The following CA10 variants were observed in gnomAD, a reference collection of about 807,000 sequenced individuals.
CA10 encodes the protein carbonic anhydrase 10 (inactive).
A neutral mutation model predicts 44.2 loss-of-function variants in CA10; 14 were observed. The observed-to-expected ratio is 0.32, with a 90% confidence interval of 0.21 to 0.50. CA10 has a LOEUF of 0.50. CA10 is among the 20% of genes least tolerant of loss of function. The probability of loss-of-function intolerance (pLI) is 0.99; values close to 1 mark genes in which losing one functional copy is unlikely to be tolerated. For missense variants in CA10, 350 were observed against 409.7 expected, an observed-to-expected ratio of 0.85 and a Z score of 1.26; for synonymous variants, 159 against 141.6, an observed-to-expected ratio of 1.12 and a Z score of -0.87.
intron 3 of CA10, among the ~76,000 whole-genome samples, chr17:51,815,445 C>T (rs8080873): frequency 0.74 from 112,744 of 151,930 alleles, 42,125 homozygotes; most frequent in East Asian, 0.85. Flanking sequence ...CTCACTGCCA[C>T]ATAGTTCTCC....
chr17:51,814,384 G>T (rs1907487825), intron 3 of CA10, among the ~76,000 whole-genome samples: 1 of 152,054 alleles, frequency 6.6e-6, no homozygotes, highest in African/African-American at 2.4e-5. Context: ...GGCTCCAGAG[G>T]CATTTTATAT....
chr17:51,940,528 G>A (rs913306263), intron 2 of CA10, among the ~76,000 whole-genome samples: 1 of 151,962 alleles, frequency 6.6e-6, no homozygotes. Context: ...ACTTGATAGA[G>A]GACAGTGTCT....
chr17:52,122,926 C>T (rs1989042151), intron 1 of CA10, among the ~76,000 whole-genome samples: 1 of 152,184 alleles, frequency 6.6e-6, no homozygotes, highest in Non-Finnish European at 1.5e-5. Context: ...TTCTCCCCAC[C>T]TGTAACCAGG....
intron 3 of CA10, among the ~76,000 whole-genome samples, chr17:51,818,038 G>A (rs1199381930): frequency 6.6e-6 from 1 of 152,172 alleles, no homozygotes. Context: ...TGTAGTGTAT[G>A]TGTTTGCCAA....
intron 2 of CA10, among the ~76,000 whole-genome samples, chr17:52,051,452 A>G (rs1032087932): frequency 1.3e-5 from 2 of 151,982 alleles, no homozygotes; most frequent in Admixed American, 1.3e-4. Context: ...TTCACAAGAA[A>G]AAAAAAAAAC....
chr17:51,633,020 A>ATACT (rs1912654645), intron 8 of CA10, among the ~76,000 whole-genome samples: 2 of 152,328 alleles, frequency 1.3e-5, no homozygotes, highest in Admixed American at 1.3e-4. Context: ...TTTCTTCCAT[A>ATACT]TACTTAAAAG....
intron 1 of CA10, among the ~76,000 whole-genome samples, chr17:52,079,069 G>A (rs1348118083): frequency 6.6e-6 from 1 of 152,120 alleles, no homozygotes; most frequent in African/African-American, 2.4e-5. Flanking sequence ...CGCGGATCAC[G>A]AGGTCAGGAG....
intron 4 of CA10, among the ~76,000 whole-genome samples, chr17:51,718,884 T>C (rs139112027): frequency 2.0e-5 from 3 of 152,312 alleles, no homozygotes; most frequent in Non-Finnish European, 4.4e-5. Context: ...AATGAGAGGA[T>C]AGAAAAAAAC....
At chr17:51,882,078 A>G (rs1980402908) in intron 3 of CA10, among the ~76,000 whole-genome samples, 1 of 151,704 alleles carries the variant, frequency 6.6e-6, no homozygotes, top group Non-Finnish European at 1.5e-5. Context: ...AAAAAAAAAA[A>G]AAAGAAAAGA....
chr17:51,974,113 C>T (rs574242295), intron 2 of CA10, among the ~76,000 whole-genome samples: 84 of 152,108 alleles, frequency 5.5e-4, no homozygotes, highest in African/African-American at 1.5e-3. Context: ...AGGCTGGGCG[C>T]GGTGGCTCAC....
chr17:51,838,306 G>A (rs1978293910), intron 3 of CA10, among the ~76,000 whole-genome samples: 1 of 152,128 alleles, frequency 6.6e-6, no homozygotes, highest in African/African-American at 2.4e-5. Flanking sequence ...TATGTCTTTT[G>A]TATATCTATC....
chr17:52,042,364 T>A (rs1042840918), intron 2 of CA10, among the ~76,000 whole-genome samples: 4 of 152,124 alleles, frequency 2.6e-5, no homozygotes, highest in Non-Finnish European at 5.9e-5. Flanking sequence ...TGCCTTTTCA[T>A]GTACCTGCTG....
At chr17:51,809,489 G>A (rs938262794) in intron 3 of CA10, among the ~76,000 whole-genome samples, 11 of 152,216 alleles carry the variant, frequency 7.2e-5, no homozygotes, top group African/African-American at 2.4e-4. Flanking sequence ...TCCCACAGAA[G>A]GACAGTGCTA....
At chr17:51,686,123 TAGTGA>T (rs1915003134) in intron 4 of CA10, among the ~76,000 whole-genome samples, 1 of 152,102 alleles carries the variant, frequency 6.6e-6, no homozygotes, top group Non-Finnish European at 1.5e-5. Context: ...GTTCTTGTGG[TAGTGA>T]ATAAGTCTCA....
rs16950990 is a variant in CA10 at position 52,100,616 on chromosome 17, G to A, written c.62-28223C>T. Among the ~76,000 whole-genome samples the A allele has an allele frequency of 9.9e-3, 1,508 of 152,236 alleles. 11 individuals are homozygous for A. Among genetic ancestry groups the A allele is most frequent in the South Asian group, 0.028 (137 of 4,820 alleles). On this transcript the variant is annotated intron_variant, in intron 1 of 8. Coordinates refer to ENST00000451037, the MANE Select transcript of CA10 (RefSeq NM_020178.5). ...CAGCATAAAAATGTCTTAAAATTACGGAACTACGTCTTATCCTGTCTCAGT... is the reference window on the plus strand; with the variant it reads ...CAGCATAAAAATGTCTTAAAATTACAGAACTACGTCTTATCCTGTCTCAGT...
At chr17:51,699,231 G>A (rs559955642) in intron 4 of CA10, among the ~76,000 whole-genome samples, 8 of 151,812 alleles carry the variant, frequency 5.3e-5, no homozygotes, top group African/African-American at 1.9e-4. Context: ...GCTGAGGCAG[G>A]AGAATCGCTT....
intron 2 of CA10, among the ~76,000 whole-genome samples, chr17:52,062,979 G>T (rs1987430767): frequency 6.6e-6 from 1 of 152,228 alleles, no homozygotes; most frequent in Non-Finnish European, 1.5e-5. Context: ...CAGCAATGTG[G>T]GCTGCACCCA....
intron 3 of CA10, among the ~76,000 whole-genome samples, chr17:51,796,483 G>T (rs1435310979): frequency 6.6e-6 from 1 of 152,138 alleles, no homozygotes; most frequent in Non-Finnish European, 1.5e-5. Flanking sequence ...TATGGGGTGG[G>T]GGAGATAGGG....
At chr17:51,634,982 C>T (rs553435695) in intron 7 of CA10, among the ~76,000 whole-genome samples, 9 of 152,282 alleles carry the variant, frequency 5.9e-5, no homozygotes, top group African/African-American at 1.9e-4. Context: ...CTTTTGGATG[C>T]TGGCTCTTTA....
Sources: gnomAD v4.1 joint callset for allele counts (sites outside exome capture counted in the v4.1 genomes callset) on GRCh38, gnomAD v4.1.1 for gene constraint, MANE v1.5 for transcripts, NCBI Gene and HGNC (gene_info 2026-07-23, HGNC 2026-07-21) for gene names.